GPATCH1: variants seen among roughly 807,000 people sequenced by gnomAD.
The protein encoded by GPATCH1 is G-patch domain containing 1.
A neutral mutation model predicts 114.9 loss-of-function variants in GPATCH1; 73 were observed. The observed-to-expected ratio is 0.64, with a 90% confidence interval of 0.53 to 0.77. The LOEUF is 0.77. Ranked by LOEUF, GPATCH1 falls within the 30% of genes least tolerant of loss-of-function variation. The pLI is 0.00. For missense variants in GPATCH1, 1,058 were observed against 1,144.3 expected (o/e 0.92, Z 1.09); for synonymous variants, 391 against 428.4 (o/e 0.91, Z 1.08).
At chr19:33,120,386 T>C (rs1972969437) in intron 17 of GPATCH1, among the ~76,000 whole-genome samples, 2 of 145,602 alleles carry the variant, frequency 1.4e-5, no homozygotes, top group South Asian at 4.2e-4. Context: ...AAATATAAAA[T>C]ATAAAAATTA....
In GPATCH1 at chr19:33,125,210, A is replaced by G. The variant is rs1164354360; in HGVS notation, c.2619+8A>G. 1 of 1,584,176 alleles carries G rather than the reference A, an allele frequency of 6.3e-7. No homozygotes were observed. The highest frequency in any genetic ancestry group is 8.6e-7 in the Non-Finnish European group (1 of 1,165,672). On this transcript the variant is annotated splice_region_variant and intron_variant, in intron 18 of 19. Transcript: ENST00000170564. ...AGGCGGAAGAAAGAGAAGGTGAGAGACTTGTGTGTACCCCAGGATCAGTGT... is the reference window on the plus strand; with the variant it reads ...AGGCGGAAGAAAGAGAAGGTGAGAGGCTTGTGTGTACCCCAGGATCAGTGT...
chr19:33,095,631 G>T, intron 5 of GPATCH1, 131 bp from the exon 6 acceptor site: 2 of 702,034 alleles, frequency 2.8e-6, no homozygotes, highest in Non-Finnish European at 2.6e-6. Flanking sequence ...TGAACTCCTG[G>T]GCTCAAGCGA....
At chr19:33,112,243 G>C (rs1315253064) in intron 12 of GPATCH1, among the ~76,000 whole-genome samples, 1 of 152,178 alleles carries the variant, frequency 6.6e-6, no homozygotes. Flanking sequence ...TAGGATTACA[G>C]GCATGAGCCA....
chr19:33,128,825 G>A (rs757555775), intron 19 of GPATCH1, among the ~76,000 whole-genome samples: 6 of 152,174 alleles, frequency 3.9e-5, no homozygotes, highest in South Asian at 2.1e-4. Flanking sequence ...AGCACACCAC[G>A]GTATGTTTAT....
Position 33,125,129 on chromosome 19 carries a change from C to T in GPATCH1, c.2546C>T (p.Pro849Leu), listed in dbSNP as rs867333984. ...GATGCTCGTCAGACACTTGAGGTTC[C>T]TCAAAAAGAGAAACATAAAAAGAAC... ...CPNARQTLEV[P>L]QKEKHKKNKD... Residue 849 changes from proline to leucine, a missense_variant, in exon 18 of 20, where the codon CCT becomes CTT. Coordinates refer to ENST00000170564, the MANE Select transcript of GPATCH1 (RefSeq NM_018025.3). The T allele has an allele frequency of 1.9e-6, 3 of 1,601,016 alleles. No individual in the cohort carries two copies. The highest frequency in any genetic ancestry group is 2.6e-6 in the Non-Finnish European group (3 of 1,173,564).
At chr19:33,130,049 G>C (rs780054677) in intron 19 of GPATCH1, 81 bp from the exon 20 acceptor site, 10 of 991,572 alleles carry the variant, frequency 1.0e-5, no homozygotes, top group African/African-American at 1.6e-5. Flanking sequence ...GGGAGGCCTG[G>C]CATTCTCAGC....
At chr19:33,104,769 C>G (rs1972765124) in intron 9 of GPATCH1, among the ~76,000 whole-genome samples, 1 of 152,122 alleles carries the variant, frequency 6.6e-6, no homozygotes, top group Non-Finnish European at 1.5e-5. Context: ...GTTACTTCAT[C>G]ATGGACTTCA....
At chr19:33,093,567 A>C (rs760497202) in intron 4 of GPATCH1, 48 bp downstream of exon 4, 1 of 1,525,514 alleles carries the variant, frequency 6.6e-7, no homozygotes, top group Admixed American at 1.8e-5. Flanking sequence ...GGTGTTTTGC[A>C]TATGTGTGAT....
intron 17 of GPATCH1, among the ~76,000 whole-genome samples, chr19:33,119,929 TTA>T (rs967571481): frequency 1.4e-5 from 2 of 145,418 alleles, no homozygotes; most frequent in South Asian, 2.1e-4. Flanking sequence ...TATATAAAAA[TTA>T]TATATATTTT....
intron 17 of GPATCH1, among the ~76,000 whole-genome samples, chr19:33,121,614 C>T (rs918373919): frequency 2.6e-5 from 4 of 152,104 alleles, no homozygotes; most frequent in African/African-American, 4.8e-5. Context: ...CCACCGCACC[C>T]GGCCGCCAAG....
Position 33,097,761 on chromosome 19 carries a change from G to T in GPATCH1, c.859G>T (p.Gly287Cys). ...RKLGISGQAF[G>C]VGALEEEDDD... ...AAACCTTGTTTTTTTAAAGGCTTTT[G>T]GTGTAGGTGCCCTGGAAGAGGAAGA... Residue 287 changes from glycine to cysteine, a missense_variant, in exon 8 of 20, where the codon GGT (glycine) becomes TGT (cysteine). By Grantham distance (159) the Gly-to-Cys change is radical. Transcript: ENST00000170564. The T allele has an allele frequency of 1.9e-6, 3 of 1,613,798 alleles. No homozygotes were observed. Among genetic ancestry groups the T allele is most frequent in the Non-Finnish European group, 2.5e-6 (3 of 1,179,778 alleles).
At chr19:33,113,951 C>CA in intron 14 of GPATCH1, 48 bp downstream of exon 14, 1 of 1,564,740 alleles carries the variant, frequency 6.4e-7, no homozygotes, top group Non-Finnish European at 8.7e-7. Flanking sequence ...GCCTCAACCC[C>CA]TAGCCTGTAG....
At chr19:33,110,141 C>A in intron 11 of GPATCH1, 125 bp downstream of exon 11, 1 of 814,778 alleles carries the variant, frequency 1.2e-6, no homozygotes, top group South Asian at 1.9e-5. Flanking sequence ...CTTTATCCTG[C>A]TGCAAATAGT....
chr19:33,119,782 G>A (rs1972956642), intron 17 of GPATCH1, among the ~76,000 whole-genome samples: 1 of 151,474 alleles, frequency 6.6e-6, no homozygotes, highest in African/African-American at 2.4e-5. Flanking sequence ...CACTTTGGGA[G>A]GGCGAGGTGG....
rs1457647482 is a variant in GPATCH1, at chr19:33,093,540, G to T, written c.455+21G>T. 32 of 1,602,988 alleles carry T rather than the reference G, an allele frequency of 2.0e-5. No homozygotes were observed. The Admixed American group carries it at 4.3e-4, about 22-fold the overall frequency. On this transcript the variant is annotated intron_variant, in intron 4 of 19. Transcript: ENST00000170564. The stretch of plus-strand genomic sequence containing the variant: ...GCAAAGTGAGCATTTCCTTCTGACT[G>T]TCATGATCTTAGCACCGGTGTTTTG...
intron 3 of GPATCH1, among the ~76,000 whole-genome samples, chr19:33,091,736 G>T (rs1423140979): frequency 6.6e-6 from 1 of 152,032 alleles, no homozygotes; most frequent in African/African-American, 2.4e-5. Flanking sequence ...TCCTGCACAT[G>T]TACCCTGGAA....
intron 17 of GPATCH1, among the ~76,000 whole-genome samples, chr19:33,122,360 T>C (rs1972994573): frequency 6.7e-6 from 1 of 149,912 alleles, no homozygotes; most frequent in Non-Finnish European, 1.5e-5. Flanking sequence ...AGTCTCGCTC[T>C]GTCACCCAGG....
Position 33,112,513 on chromosome 19 carries a change from G to T in GPATCH1, c.1792G>T (p.Val598Leu), listed in dbSNP as rs991122144. The change falls in exon 13 of 20, where the codon GTG becomes TTG. Residue 598 changes from valine to leucine, a missense_variant. Physicochemically the swap from Val to Leu is conservative, Grantham distance 32. Transcript: ENST00000170564. Reference sequence around the variant, plus strand: ...TGATGTCGGGGATAAGCAGTCGGCTGTGAAGATGAAGATGTTTGGGAAGCT... The same window carrying T: ...TGATGTCGGGGATAAGCAGTCGGCTTTGAAGATGAAGATGTTTGGGAAGCT... ...ENDVGDKQSA[V>L]KMKMFGKLTR... The T allele has an allele frequency of 3.1e-6, 5 of 1,614,064 alleles. No individual in the cohort carries two copies. The highest frequency in any genetic ancestry group is 4.2e-6 in the Non-Finnish European group (5 of 1,179,990).
Position 33,096,209 on chromosome 19 carries a change from T to A in GPATCH1, c.615T>A (p.Gly205=), listed in dbSNP as rs1276754241. 6.2e-7 allele frequency: 1 copy of A among 1,613,370 alleles called. No individual in the cohort carries two copies. The highest frequency in any genetic ancestry group is 1.7e-5 in the Admixed American group (1 of 59,852). Residue 205 remains glycine (G), a splice_region_variant and synonymous_variant, in exon 7 of 20, where the codon GGT becomes GGA. Coordinates refer to ENST00000170564, the MANE Select transcript of GPATCH1 (RefSeq NM_018025.3). ...LPPGSSEGSE[G]EDDDYLPDNV... ...AATTCCACTTTAAACGGAAATAGGG[T>A]GAAGATGATGACTACTTGCCTGATA...
Sources: allele counts gnomAD v4.1 joint callset (sites outside exome capture counted in the v4.1 genomes callset), GRCh38; gene constraint gnomAD v4.1.1; transcripts MANE v1.5; gene names NCBI Gene and HGNC (gene_info 2026-07-23, HGNC 2026-07-21).